MDN1: variants seen among roughly 807,000 people sequenced by gnomAD.
MDN1 encodes midasin.
Under a neutral mutation model 669.2 loss-of-function variants are expected in MDN1, and 266 were observed. The observed-to-expected ratio is 0.40, with a 90% CI of 0.36 to 0.44. MDN1 has a LOEUF of 0.44. Among genes scored for constraint, MDN1 ranks in the 20% least tolerant of loss-of-function variants. The probability of loss-of-function intolerance (pLI) is 1.00; values close to 1 mark genes in which losing one functional copy is unlikely to be tolerated. For missense variants in MDN1, 5,940 were observed against 6,754.0 expected (o/e 0.88, Z 4.22); for synonymous variants, 2,385 against 2,457.1 (o/e 0.97, Z 0.87).
chr6:89,819,561 A>G lies in MDN1; in HGVS notation c.47T>C (p.Ile16Thr). 6.2e-7 allele frequency: 1 copy of G among 1,604,262 alleles called. No individual in the cohort carries two copies. ...LEVAAAPLRL[I>T]AAKNEKSRSE... ...GCGGCTCTTCTCGTTCTTGGCTGCGATTAACCGCAGCGGCGCGGCTGCCAC... is the reference window on the plus strand; with the variant it reads ...GCGGCTCTTCTCGTTCTTGGCTGCGGTTAACCGCAGCGGCGCGGCTGCCAC... The change falls in exon 1 of 102, where the codon ATC becomes ACC. Residue 16 changes from isoleucine (I) to threonine (T), a missense_variant. Coordinates refer to ENST00000369393, the MANE Select transcript of MDN1 (RefSeq NM_014611.3).
chr6:89,708,651 C>A (rs1395477888), intron 50 of MDN1, 23 bp from the exon 51 acceptor site: 1 of 1,603,828 alleles, frequency 6.2e-7, no homozygotes, highest in South Asian at 1.1e-5. Context: ...CAGAACAAAA[C>A]AAAAATCAGA....
At chr6:89,664,695 T>C (rs1810059404) in intron 84 of MDN1, 67 bp from the exon 85 acceptor site, 1 of 1,316,572 alleles carries the variant, frequency 7.6e-7, no homozygotes, top group South Asian at 1.3e-5. Flanking sequence ...CTGTGAGATA[T>C]AAATGCCAAG....
rs746295414 is a variant in MDN1, at chr6:89,662,954, CTCA to C, written c.14247_14249del (p.Asp4749del). ...GGTCTCCGCCCTCACTATCTGATTT[CTCA>C]TCATCCTCTTCTGAAAGGGAAGGCA... On this transcript the variant is annotated inframe_deletion, in exon 86 of 102. Transcript: ENST00000369393. The C allele has an allele frequency of 3.7e-5, 59 of 1,613,996 alleles. 3 individuals carry two copies. The South Asian group carries it at 5.4e-4, about 15-fold the overall frequency.
chr6:89,667,959 GT>G, intron 84 of MDN1, 54 bp downstream of exon 84: 1 of 1,582,618 alleles, frequency 6.3e-7, no homozygotes, highest in Non-Finnish European at 8.6e-7. Flanking sequence ...TAACTTACAT[GT>G]TGAAAAGAAA....
At chr6:89,693,740 G>T (rs1302516691) in intron 62 of MDN1, among the ~76,000 whole-genome samples, 1 of 152,080 alleles carries the variant, frequency 6.6e-6, no homozygotes, top group Non-Finnish European at 1.5e-5. Flanking sequence ...TTTTGGATAA[G>T]GGATCCCCAA....
At chr6:89,652,910 C>T (rs1808983329) in intron 94 of MDN1, 82 bp downstream of exon 94, 5 of 1,413,306 alleles carry the variant, frequency 3.5e-6, no homozygotes, top group Non-Finnish European at 4.8e-6. Flanking sequence ...GTTCTAAAGA[C>T]AAAGATTTAA....
rs766113682 is a variant in MDN1 at position 89,680,688 on chromosome 6, G to A, written c.12166C>T (p.Arg4056Cys). The change falls in exon 74 of 102, where the codon CGC (arginine) becomes TGC (cysteine). Residue 4056 changes from arginine (R) to cysteine (C), a missense_variant. Physicochemically the swap from Arg to Cys is radical, Grantham distance 180. Around this residue, in one of 5 missense-constraint regions of MDN1, gnomAD observed 2,280 missense variants for 2,576.3 expected, o/e 0.88. Transcript: ENST00000369393. ...PSGLEGELLR[R>C]LPKLRKRMRK... ...ATGCGTTTCCTGAGCTTTGGCAAGC[G>A]ACGCAGAAGCTCCCCTTCCAAGCCG... 1.8e-5 allele frequency: 29 copies of A among 1,614,004 alleles called. No homozygotes were observed. In the East Asian group the frequency reaches 5.1e-4, roughly 29 times the overall value.
chr6:89,713,049 C>A, intron 47 of MDN1, 99 bp downstream of exon 47: 2 of 1,350,718 alleles, frequency 1.5e-6, no homozygotes, highest in South Asian at 2.8e-5. Flanking sequence ...GTGGTCAACT[C>A]TCTTAGGTCA....
intron 77 of MDN1, 104 bp from the exon 78 acceptor site, chr6:89,675,683 C>T: frequency 2.4e-6 from 2 of 845,834 alleles, no homozygotes; most frequent in South Asian, 3.1e-5. Flanking sequence ...ACATGCCACA[C>T]TCTAGAGGTG....
chr6:89,773,336 T>C (rs1196971201), intron 13 of MDN1, among the ~76,000 whole-genome samples: 1 of 151,458 alleles, frequency 6.6e-6, no homozygotes, highest in Non-Finnish European at 1.5e-5. Flanking sequence ...GGTCAGGAGC[T>C]CAAGACCAGC....
chr6:89,737,606 C>T (rs1271331676), intron 33 of MDN1, among the ~76,000 whole-genome samples: 6 of 151,766 alleles, frequency 4.0e-5, no homozygotes, highest in Admixed American at 2.6e-4. Flanking sequence ...ATTATGGATA[C>T]TAATCTATTT....
At chr6:89,718,026 T>C (rs1814527236) in intron 43 of MDN1, among the ~76,000 whole-genome samples, 1 of 152,208 alleles carries the variant, frequency 6.6e-6, no homozygotes, top group South Asian at 2.1e-4. Context: ...CAGACTCCTA[T>C]TCTTCAGTTT....
rs1817254175 is a variant in MDN1 at position 89,756,509 on chromosome 6, G to A, written c.2703-119C>T. The A allele has an allele frequency of 1.3e-5, 7 of 543,930 alleles. No homozygotes were observed. In the South Asian group the frequency reaches 1.9e-4, roughly 15 times the overall value. 33.7% of individuals were successfully genotyped at this position (543,930 alleles called of 1,614,324 possible). On this transcript the variant is annotated intron_variant, in intron 19 of 101. Coordinates refer to ENST00000369393, the MANE Select transcript of MDN1 (RefSeq NM_014611.3). ...ATTTTAACTGCTTGTAGTATAAAAT[G>A]TCTTTCAACCTGATATAGAAACTTA...
intron 70 of MDN1, among the ~76,000 whole-genome samples, chr6:89,685,560 G>A (rs1811949524): frequency 6.6e-6 from 1 of 152,192 alleles, no homozygotes; most frequent in Non-Finnish European, 1.5e-5. Flanking sequence ...TAGACAGAGA[G>A]ATGTGCTGCC....
In MDN1 at chr6:89,725,284, G is replaced by A. The variant is rs552884975; in HGVS notation, c.5585C>T (p.Thr1862Met). 35 of 1,613,784 alleles carry A rather than the reference G, an allele frequency of 2.2e-5. No individual in the cohort carries two copies. The highest frequency in any genetic ancestry group is 2.9e-5 in the Non-Finnish European group (34 of 1,179,974). Reference sequence around the variant, plus strand: ...GGGATTCTGACACCCAAAAATCTTCGTCTTTTCATGCTGCACTTGAAAGCT... The same window carrying A: ...GGGATTCTGACACCCAAAAATCTTCATCTTTTCATGCTGCACTTGAAAGCT... Reference protein sequence around the residue: ...GMSFQVQHEKTKIFGCQNPFR... With the variant: ...GMSFQVQHEKMKIFGCQNPFR... The change falls in exon 38 of 102, where the codon ACG (threonine) becomes ATG (methionine). Residue 1862 changes from threonine to methionine, a missense_variant. Thr to Met is a moderately conservative substitution (Grantham distance 81). Coordinates refer to ENST00000369393, the MANE Select transcript of MDN1 (RefSeq NM_014611.3).
intron 53 of MDN1, among the ~76,000 whole-genome samples, chr6:89,703,873 C>T (rs1439115411): frequency 3.3e-5 from 5 of 151,244 alleles, no homozygotes; most frequent in Non-Finnish European, 7.4e-5. Flanking sequence ...ATTAGCTGAG[C>T]GTGGTGGCAC....
chr6:89,672,245 C>T lies in MDN1; in HGVS notation c.13749G>A (p.Glu4583=). Residue 4583 remains glutamate (E), a synonymous_variant, in exon 82 of 102, where the codon GAG becomes GAA. Transcript: ENST00000369393. ...CATCCTCACCGTACGATTTCAGCCT[C>T]TCCAACAGCTCGGAGATGGCAGAAA... ...KIISAISELL[E]RLKSYGEDGT... The T allele has an allele frequency of 6.2e-7, 1 of 1,610,082 alleles. No individual in the cohort carries two copies. Among genetic ancestry groups the T allele is most frequent in the Non-Finnish European group, 8.5e-7 (1 of 1,179,170 alleles).
chr6:89,689,729 A>G, intron 65 of MDN1, 141 bp downstream of exon 65: 6 of 1,006,086 alleles, frequency 6.0e-6, no homozygotes, highest in Non-Finnish European at 8.5e-6. Context: ...AATCAGCTTC[A>G]GTTCTTTAAG....
chr6:89,819,459 G>C lies in MDN1; in HGVS notation c.102+47C>G, dbSNP rs775516804. ...GGGGAGCGCAGGAAGCTTACTAGTGGGGCGACCCAGTCGTTCCGGCGCTTT... is the reference window on the plus strand; with the variant it reads ...GGGGAGCGCAGGAAGCTTACTAGTGCGGCGACCCAGTCGTTCCGGCGCTTT... On this transcript the variant is annotated intron_variant, in intron 1 of 101. Coordinates refer to ENST00000369393, the MANE Select transcript of MDN1 (RefSeq NM_014611.3). 3 of 1,541,666 alleles carry C rather than the reference G, an allele frequency of 1.9e-6. No homozygotes were observed. In the African/African-American group the frequency reaches 4.1e-5, roughly 21 times the overall value.
Sources: allele counts gnomAD v4.1 joint callset (sites outside exome capture counted in the v4.1 genomes callset), GRCh38; gene constraint gnomAD v4.1.1; regional missense constraint gnomAD v4.1.1; transcripts MANE v1.5; gene names NCBI Gene and HGNC (gene_info 2026-07-23, HGNC 2026-07-21).